The following SLC13A4 variants were observed in gnomAD, a reference collection of about 807,000 sequenced individuals.
The protein encoded by SLC13A4 is Na(+)/sulfate cotransporter SUT-1.
SLC13A4 carries 28 observed loss-of-function variants against 72.7 expected under a neutral mutation model. That is an observed-to-expected ratio of 0.39 (90% confidence interval 0.29 to 0.53). SLC13A4 has a LOEUF of 0.53. Ranked by LOEUF, SLC13A4 falls within the 20% of genes least tolerant of loss-of-function variation. The pLI, the probability that SLC13A4 is intolerant of heterozygous loss-of-function variation, is 0.78. For synonymous variants in SLC13A4, 312 were observed against 325.5 expected, an observed-to-expected ratio of 0.96 and a Z score of 0.45; for missense variants, 653 against 788.0, an observed-to-expected ratio of 0.83 and a Z score of 2.05.
At chr7:135,714,876 C>A (rs553842176) in intron 2 of SLC13A4, among the ~76,000 whole-genome samples, 1 of 152,224 alleles carries the variant, frequency 6.6e-6, no homozygotes, top group Non-Finnish European at 1.5e-5. Context: ...CCTGCCCCTG[C>A]GGGAGCTGGA....
At chr7:135,715,145 GTGTA>G (rs1796390534) in intron 2 of SLC13A4, among the ~76,000 whole-genome samples, 1 of 151,648 alleles carries the variant, frequency 6.6e-6, no homozygotes. Flanking sequence ...GTGAGAATGT[GTGTA>G]TGAGTGTGTG....
At chr7:135,696,646 C>T (rs1406680443) in intron 8 of SLC13A4, among the ~76,000 whole-genome samples, 2 of 152,158 alleles carry the variant, frequency 1.3e-5, no homozygotes, top group Non-Finnish European at 2.9e-5. Context: ...AGCCACAGTG[C>T]CCGTCCCCTA....
At chr7:135,701,868 G>A in intron 6 of SLC13A4, 108 bp from the exon 7 acceptor site, 1 of 1,043,110 alleles carries the variant, frequency 9.6e-7, no homozygotes, top group Non-Finnish European at 1.4e-6. Flanking sequence ...TCAGCACTGT[G>A]GGAACCAGAG....
intron 1 of SLC13A4, 142 bp from the exon 2 acceptor site, chr7:135,721,665 G>T: frequency 3.0e-6 from 3 of 990,748 alleles, no homozygotes; most frequent in Non-Finnish European, 4.5e-6. Flanking sequence ...AACCGAACTG[G>T]CAGGCGAGCA....
intron 2 of SLC13A4, among the ~76,000 whole-genome samples, chr7:135,714,191 T>TA (rs1318740184): frequency 1.3e-5 from 2 of 152,198 alleles, no homozygotes; most frequent in Admixed American, 1.3e-4. Flanking sequence ...TTTCATTGCT[T>TA]AAAAAAACAT....
At chr7:135,693,961 C>A (rs1331155842) in intron 10 of SLC13A4, among the ~76,000 whole-genome samples, 176 bp downstream of exon 10, 1 of 152,188 alleles carries the variant, frequency 6.6e-6, no homozygotes, top group African/African-American at 2.4e-5. Flanking sequence ...GGGTGGCCAC[C>A]TGAAATCTGG....
At chr7:135,695,913 T>C (rs1244483240) in intron 8 of SLC13A4, among the ~76,000 whole-genome samples, 1 of 152,190 alleles carries the variant, frequency 6.6e-6, no homozygotes, top group Non-Finnish European at 1.5e-5. Flanking sequence ...AATCTGGAGC[T>C]TTAGGGCTTA....
intron 15 of SLC13A4, chr7:135,683,381 C>T: frequency 1.0e-5 from 10 of 979,952 alleles, no homozygotes; most frequent in Non-Finnish European, 1.1e-5. Context: ...TTCCTTTCCT[C>T]TATTTGTTAC....
At chr7:135,719,532 TAAGAA>T (rs968739839) in intron 2 of SLC13A4, among the ~76,000 whole-genome samples, 3 of 152,160 alleles carry the variant, frequency 2.0e-5, no homozygotes, top group Admixed American at 6.5e-5. Context: ...ATAGCTCTCT[TAAGAA>T]AAGTCACATT....
In SLC13A4 at chr7:135,694,160, T is replaced by C. The variant is rs1795851835; in HGVS notation, c.1098A>G (p.Glu366=). The change falls in exon 10 of 16, where the codon GAA becomes GAG. Residue 366 remains glutamate, a synonymous_variant. Transcript: ENST00000682651. ...ACCTAATGTCTCCCAGTTTTTCATA[T>C]TCTTCTTGGATCCTCTTCTCTGACA... ...EQLSEKRIQE[E]YEKLGDISYP... 12 of 1,611,110 alleles carry C rather than the reference T, an allele frequency of 7.4e-6. No homozygotes were observed. Among genetic ancestry groups the C allele is most frequent in the Non-Finnish European group, 9.3e-6 (11 of 1,177,380 alleles).
chr7:135,691,297 G>A lies in SLC13A4; in HGVS notation c.1350C>T (p.Thr450=), dbSNP rs375932658. The change falls in exon 13 of 16, where the codon ACC becomes ACT. Residue 450 remains threonine, a synonymous_variant. Transcript: ENST00000682651. ...DGENQEHSLG[T]EPIITWKDFQ... is the part of the protein sequence containing the mutation. ...AGTCCTTCCACGTGATGATGGGCTC[G>A]GTCCCCAGTGAGTGCTCCTGGTTCT... The A allele has an allele frequency of 3.3e-5, 53 of 1,613,376 alleles. No homozygotes were observed. The highest frequency in any genetic ancestry group is 4.2e-5 in the Non-Finnish European group (50 of 1,179,760).
chr7:135,702,676 AAT>A, intron 6 of SLC13A4, 167 bp downstream of exon 6: 1 of 660,618 alleles, frequency 1.5e-6, no homozygotes, highest in South Asian at 1.8e-5. Flanking sequence ...ACGCCCAGCC[AAT>A]GTGTCCTTTT....
At chr7:135,705,689 G>C in intron 4 of SLC13A4, 39 bp from the exon 5 acceptor site, 1 of 1,592,038 alleles carries the variant, frequency 6.3e-7, no homozygotes, top group Non-Finnish European at 8.6e-7. Context: ...GAGAGGTGGA[G>C]GCTGGGGCTG....
chr7:135,709,184 G>A (rs1796241286), intron 2 of SLC13A4, among the ~76,000 whole-genome samples: 1 of 151,662 alleles, frequency 6.6e-6, no homozygotes, highest in Admixed American at 6.6e-5. Flanking sequence ...TCCTACCTCG[G>A]CCTCCCAAAT....
chr7:135,683,078 C>T (rs963533587), intron 15 of SLC13A4, among the ~76,000 whole-genome samples: 3 of 151,996 alleles, frequency 2.0e-5, no homozygotes, highest in African/African-American at 4.8e-5. Context: ...GCAGGCAGAT[C>T]ATCTGAAGCC....
At chr7:135,706,352 C>T (rs182682377) in intron 3 of SLC13A4, 52 bp from the exon 4 acceptor site, 67 of 1,532,682 alleles carry the variant, frequency 4.4e-5, no homozygotes, top group Admixed American at 6.9e-5. Context: ...CACATCCCTG[C>T]GGCTCCACAG....
intron 15 of SLC13A4, chr7:135,683,427 T>C (rs1278681888): frequency 1.0e-6 from 1 of 983,924 alleles, no homozygotes; most frequent in Non-Finnish European, 1.2e-6. Context: ...TTGGCTCCCA[T>C]GAAAAAAAAT....
rs536375885 is a variant in SLC13A4, at chr7:135,694,368, C to T, written c.1020-130G>A. On this transcript the variant is annotated intron_variant, in intron 9 of 15. Coordinates refer to ENST00000682651, the MANE Select transcript of SLC13A4 (RefSeq NM_001318192.2). ...CTCCTCTTTCACATGCTCTATCCCTCTATCCCCCACCTATTCATATGGCTT... is the reference window on the plus strand; with the variant it reads ...CTCCTCTTTCACATGCTCTATCCCTTTATCCCCCACCTATTCATATGGCTT... 9.7e-6 allele frequency: 6 copies of T among 618,376 alleles called. No individual in the cohort carries two copies. In the East Asian group the frequency reaches 1.4e-4, roughly 14 times the overall value. 38.3% of individuals were successfully genotyped at this position (618,376 alleles called of 1,614,324 possible). A position where few individuals can be genotyped will look rare whatever the true frequency, so the allele number is the denominator to read the frequency against.
In SLC13A4 at chr7:135,702,872, T is replaced by C; in HGVS notation, c.606A>G (p.Ala202=). The C allele has an allele frequency of 6.2e-7, 1 of 1,613,860 alleles. No homozygotes were observed. Among genetic ancestry groups the C allele is most frequent in the Non-Finnish European group, 8.5e-7 (1 of 1,179,720 alleles). Residue 202 remains alanine (A), a synonymous_variant, in exon 6 of 16, where the codon GCA becomes GCG. Coordinates refer to ENST00000682651, the MANE Select transcript of SLC13A4 (RefSeq NM_001318192.2). ...CGTTGTGCATCAGAGTGGTGAGGTC[T>C]GCGTTGGACCTGCTGGAACCAAGCA... is the stretch of plus-strand genomic sequence containing the variant. ...LIFVNEDRSN[A]DLTTLMHNEN... is the part of the protein sequence containing the mutation.
Sources: gnomAD v4.1 joint callset for allele counts (sites outside exome capture counted in the v4.1 genomes callset) on GRCh38, gnomAD v4.1.1 for gene constraint, MANE v1.5 for transcripts, NCBI Gene and HGNC (gene_info 2026-07-23, HGNC 2026-07-21) for gene names.